The following DOCK1 variants were observed in gnomAD, a reference collection of about 807,000 sequenced individuals.
DOCK1 encodes dedicator of cytokinesis protein 1.
A neutral mutation model predicts 262.7 loss-of-function variants in DOCK1; 138 were observed. That is an observed-to-expected ratio of 0.53 (90% confidence interval 0.46 to 0.61). The LOEUF is 0.61. Ranked by LOEUF, DOCK1 falls within the 20% of genes least tolerant of loss-of-function variation. The probability of loss-of-function intolerance (pLI) is 0.00; values close to 1 mark genes in which losing one functional copy is unlikely to be tolerated. For synonymous variants in DOCK1, 866 were observed against 867.4 expected (o/e 1.00, Z 0.03); for missense variants, 1,908 against 2,370.7 (o/e 0.80, Z 4.05).
At chr10:127,023,395 T>G in intron 14 of DOCK1, 71 bp downstream of exon 14, 1 of 1,592,878 alleles carries the variant, frequency 6.3e-7, no homozygotes, top group Non-Finnish European at 8.6e-7. Flanking sequence ...TTGGCTCTGC[T>G]ACAGCATAGA....
intron 38 of DOCK1, among the ~76,000 whole-genome samples, chr10:127,397,902 A>G (rs1249577871): frequency 6.6e-6 from 1 of 151,914 alleles, no homozygotes; most frequent in Non-Finnish European, 1.5e-5. Context: ...CCTCTATGAC[A>G]TGGGTCATGG....
intron 27 of DOCK1, among the ~76,000 whole-genome samples, chr10:127,132,809 C>A (rs747250795): frequency 2.6e-5 from 4 of 152,242 alleles, no homozygotes; most frequent in Admixed American, 2.0e-4. Context: ...AAAATGTAAT[C>A]GAGTGAGAAG....
At chr10:127,316,192 A>G (rs1384320773) in intron 29 of DOCK1, among the ~76,000 whole-genome samples, 1 of 152,194 alleles carries the variant, frequency 6.6e-6, no homozygotes, top group East Asian at 1.9e-4. Context: ...TTACTCACGT[A>G]GCAAATTTCC....
Position 127,032,195 on chromosome 10 carries a change from C to T in DOCK1, c.1787C>T (p.Ala596Val). 1 of 1,599,934 alleles carries T rather than the reference C, an allele frequency of 6.3e-7. No homozygotes were observed. The highest frequency in any genetic ancestry group is 1.3e-5 in the African/African-American group (1 of 74,798). The change falls in exon 18 of 52, where the codon GCA (alanine) becomes GTA (valine). Residue 596 changes from alanine to valine, a missense_variant. Coordinates refer to ENST00000623213, the MANE Select transcript of DOCK1 (RefSeq NM_001290223.2). ...TACTTGAGTCTGCCCTCCACGAAGG[C>T]AGAGTTGGAAGAAAAGGGCCACTCG... is the stretch of plus-strand genomic sequence containing the variant. Reference protein sequence around the residue: ...ATYLSLPSTKAELEEKGHSAT... With the variant: ...ATYLSLPSTKVELEEKGHSAT...
At chr10:127,257,565 GAC>G (rs1412147508) in intron 29 of DOCK1, 136 bp downstream of exon 29, 1 of 730,680 alleles carries the variant, frequency 1.4e-6, no homozygotes, top group Non-Finnish European at 2.2e-6. Flanking sequence ...CTGTGCTGCA[GAC>G]AGTTCTAGGG....
At chr10:127,027,192 G>C (rs1244110454) in intron 16 of DOCK1, among the ~76,000 whole-genome samples, 11 of 152,242 alleles carry the variant, frequency 7.2e-5, no homozygotes, top group Admixed American at 7.2e-4. Context: ...ACCGCCCTTT[G>C]TCACTGATGA....
intron 23 of DOCK1, among the ~76,000 whole-genome samples, chr10:127,081,173 G>A (rs1264357307): frequency 6.6e-6 from 1 of 152,164 alleles, no homozygotes; most frequent in Non-Finnish European, 1.5e-5. Flanking sequence ...CTTGGAGGAA[G>A]GGACTGCTGG....
At chr10:126,945,379 T>A (rs2035312331) in intron 1 of DOCK1, among the ~76,000 whole-genome samples, 4 of 150,964 alleles carry the variant, frequency 2.6e-5, no homozygotes. Flanking sequence ...CATGTAGGGC[T>A]GGTTTTGTCA....
Position 127,345,946 on chromosome 10 carries a change from C to T in DOCK1, c.3224+2200C>T, listed in dbSNP as rs147355408. On this transcript the variant is annotated intron_variant, in intron 31 of 51. Transcript: ENST00000623213. ...TGACCAACACACACAAAGCACAGTG[C>T]GGCACAACGCACTTCAACGCACTGT... 7.1e-3 allele frequency among the ~76,000 whole-genome samples: 1,077 copies of T among 152,320 alleles called. 5 individuals are homozygous for T. Among genetic ancestry groups the T allele is most frequent in the Non-Finnish European group, 0.012 (791 of 68,022 alleles).
At chr10:127,048,141 A>T (rs1352594135) in intron 21 of DOCK1, among the ~76,000 whole-genome samples, 1 of 152,176 alleles carries the variant, frequency 6.6e-6, no homozygotes, top group Non-Finnish European at 1.5e-5. Flanking sequence ...GCAATCTGTG[A>T]ATGTTCTTTT....
intron 27 of DOCK1, among the ~76,000 whole-genome samples, chr10:127,213,597 C>T (rs566823012): frequency 1.3e-5 from 2 of 152,336 alleles, no homozygotes; most frequent in African/African-American, 2.4e-5. Flanking sequence ...AACGTGAATA[C>T]ATTAATGTAC....
intron 4 of DOCK1, among the ~76,000 whole-genome samples, chr10:126,986,292 A>G (rs956230762): frequency 2.1e-4 from 32 of 151,862 alleles, no homozygotes; most frequent in African/African-American, 7.0e-4. Context: ...TCCACTGTCA[A>G]TAAGTCATCA....
At chr10:127,124,905 T>TA (rs1363942938) in intron 25 of DOCK1, among the ~76,000 whole-genome samples, 2 of 151,926 alleles carry the variant, frequency 1.3e-5, no homozygotes, top group Non-Finnish European at 2.9e-5. Flanking sequence ...GAAAATTCAT[T>TA]AAAAAACCCG....
chr10:127,339,160 C>T, intron 30 of DOCK1, 76 bp downstream of exon 30: 2 of 1,289,902 alleles, frequency 1.6e-6, no homozygotes, highest in Non-Finnish European at 2.2e-6. Context: ...CAGTATCTTA[C>T]AGTATTTCTA....
intron 43 of DOCK1, among the ~76,000 whole-genome samples, chr10:127,414,086 A>C (rs2068018807): frequency 6.6e-6 from 1 of 152,050 alleles, no homozygotes; most frequent in African/African-American, 2.4e-5. Context: ...TAATTTTTGT[A>C]TTTTTAGTAG....
At chr10:126,964,982 C>T (rs2037552445) in intron 1 of DOCK1, among the ~76,000 whole-genome samples, 1 of 152,214 alleles carries the variant, frequency 6.6e-6, no homozygotes, top group Admixed American at 6.5e-5. Context: ...AAATTCAGTG[C>T]ATTTTTATTG....
intron 27 of DOCK1, among the ~76,000 whole-genome samples, chr10:127,207,099 C>G (rs1441627794): frequency 6.6e-6 from 1 of 152,134 alleles, no homozygotes; most frequent in Non-Finnish European, 1.5e-5. Context: ...GAAACTGAAC[C>G]TTTATGGGGG....
chr10:127,419,834 G>A, intron 46 of DOCK1, 85 bp downstream of exon 46: 2 of 1,400,724 alleles, frequency 1.4e-6, no homozygotes, highest in East Asian at 5.0e-5. Context: ...CAGCCAGCAT[G>A]GAGGTCCCTG....
rs2766055 is a variant in DOCK1, at chr10:127,325,035, C to T, written c.3045-13971C>T. ...ACACACATCCAATCCACGCACAGCCCGGGAGAGTCCCTGAAACATTTTAGC... is the reference window on the plus strand; with the variant it reads ...ACACACATCCAATCCACGCACAGCCTGGGAGAGTCCCTGAAACATTTTAGC... On this transcript the variant is annotated intron_variant, in intron 29 of 51. Transcript: ENST00000623213. 1.8e-3 allele frequency among the ~76,000 whole-genome samples: 269 copies of T among 152,242 alleles called. 1 individual carries two copies. Among genetic ancestry groups the T allele is most frequent in the African/African-American group, 5.5e-3 (229 of 41,534 alleles).
Sources: allele counts gnomAD v4.1 joint callset (sites outside exome capture counted in the v4.1 genomes callset), GRCh38; gene constraint gnomAD v4.1.1; transcripts MANE v1.5; gene names NCBI Gene and HGNC (gene_info 2026-07-23, HGNC 2026-07-21).